AGMO: variants seen among roughly 807,000 people sequenced by gnomAD.
AGMO encodes alkylglycerol monooxygenase.
In AGMO, 75 loss-of-function variants were observed where a neutral mutation model predicts 60.2. The ratio of observed to expected loss-of-function variants is 1.25; its 90% confidence interval spans 1.03 to 1.51. The LOEUF is 1.51. Among genes scored for constraint, AGMO ranks in the 40% most tolerant of loss-of-function variants. The pLI is 0.00. For missense variants in AGMO, 763 were observed against 525.5 expected, an observed-to-expected ratio of 1.45 and a Z score of -4.42; for synonymous variants, 261 against 177.1, an observed-to-expected ratio of 1.47 and a Z score of -3.76.
At chr7:15,373,859 A>T (rs139259551) in intron 10 of AGMO, among the ~76,000 whole-genome samples, 13 of 152,316 alleles carry the variant, frequency 8.5e-5, no homozygotes, top group Non-Finnish European at 1.8e-4. Context: ...CAAGGTCTAC[A>T]AAAGTTATTA....
At chr7:15,532,318 G>A (rs915112923) in intron 3 of AGMO, among the ~76,000 whole-genome samples, 3 of 152,156 alleles carry the variant, frequency 2.0e-5, no homozygotes, top group African/African-American at 4.8e-5. Flanking sequence ...GTCAAGAAAC[G>A]GCAAAGCCCA....
intron 2 of AGMO, among the ~76,000 whole-genome samples, chr7:15,559,085 T>G (rs1192519664): frequency 6.6e-6 from 1 of 152,148 alleles, no homozygotes; most frequent in East Asian, 1.9e-4. Context: ...CTTCACACAT[T>G]ATAATGTACT....
At chr7:15,455,443 G>A (rs1178531973) in intron 3 of AGMO, among the ~76,000 whole-genome samples, 2 of 151,946 alleles carry the variant, frequency 1.3e-5, no homozygotes, top group Admixed American at 1.3e-4. Context: ...TGACTCTCAG[G>A]TTGGCTTCAT....
intron 12 of AGMO, among the ~76,000 whole-genome samples, chr7:15,329,539 C>A (rs776628052): frequency 6.6e-6 from 1 of 152,110 alleles, no homozygotes; most frequent in Non-Finnish European, 1.5e-5. Flanking sequence ...AATGACAGAA[C>A]AACAGTTCAA....
chr7:15,293,640 C>A (rs942243431), intron 12 of AGMO, among the ~76,000 whole-genome samples: 1 of 152,028 alleles, frequency 6.6e-6, no homozygotes, highest in East Asian at 1.9e-4. Flanking sequence ...TGATTAAATT[C>A]GATATTCAGG....
intron 3 of AGMO, among the ~76,000 whole-genome samples, chr7:15,441,982 T>C: frequency 6.6e-6 from 1 of 152,138 alleles, no homozygotes; most frequent in East Asian, 1.9e-4. Context: ...GTCTTAACAT[T>C]TGTCTTGGTG....
intron 3 of AGMO, among the ~76,000 whole-genome samples, chr7:15,483,921 A>T (rs560744698): frequency 5.9e-5 from 9 of 152,354 alleles, no homozygotes; most frequent in African/African-American, 2.2e-4. Flanking sequence ...ATCCATACTT[A>T]TTAAAATGCC....
At chr7:15,532,706 C>T (rs1468062526) in intron 3 of AGMO, among the ~76,000 whole-genome samples, 4 of 67,448 alleles carry the variant, frequency 5.9e-5, no homozygotes, top group Admixed American at 4.3e-4. Context: ...AAACATCTTC[C>T]TAGGCTGGGT....
chr7:15,426,242 A>G (rs145721881), intron 4 of AGMO, among the ~76,000 whole-genome samples: 12 of 152,278 alleles, frequency 7.9e-5, no homozygotes, highest in African/African-American at 2.9e-4. Context: ...CAACTATAAT[A>G]CTTTCTATTT....
chr7:15,522,985 TAAAC>T (rs1456839151), intron 3 of AGMO, among the ~76,000 whole-genome samples: 1 of 152,050 alleles, frequency 6.6e-6, no homozygotes, highest in African/African-American at 2.4e-5. Context: ...ACAAAGAACT[TAAAC>T]AAATTTACAA....
intron 12 of AGMO, among the ~76,000 whole-genome samples, chr7:15,337,691 A>T (rs931825171): frequency 6.6e-6 from 1 of 152,160 alleles, no homozygotes; most frequent in African/African-American, 2.4e-5. Flanking sequence ...AGGTTCACGA[A>T]ATGCAAAGCA....
At chr7:15,332,250 T>C (rs920500685) in intron 12 of AGMO, among the ~76,000 whole-genome samples, 1 of 152,188 alleles carries the variant, frequency 6.6e-6, no homozygotes, top group Non-Finnish European at 1.5e-5. Flanking sequence ...CACTTGACAC[T>C]GAAACCTTTC....
chr7:15,374,372 A>G (rs746118406), intron 10 of AGMO, among the ~76,000 whole-genome samples: 4 of 152,248 alleles, frequency 2.6e-5, no homozygotes, highest in African/African-American at 7.2e-5. Flanking sequence ...TATATTGGCT[A>G]AAAAAGTATA....
intron 1 of AGMO, among the ~76,000 whole-genome samples, chr7:15,560,599 A>G (rs929753586): frequency 3.3e-5 from 5 of 152,164 alleles, no homozygotes; most frequent in African/African-American, 4.8e-5. Context: ...AAGGTAGATA[A>G]TTAGAGGTCT....
chr7:15,335,843 C>G (rs1781641984), intron 12 of AGMO, among the ~76,000 whole-genome samples: 2 of 152,110 alleles, frequency 1.3e-5, no homozygotes. Flanking sequence ...GGATTTCTCA[C>G]CAAAATCTAA....
intron 6 of AGMO, among the ~76,000 whole-genome samples, chr7:15,391,479 G>A (rs1784135376): frequency 6.6e-6 from 1 of 151,920 alleles, no homozygotes; most frequent in African/African-American, 2.4e-5. Flanking sequence ...CAAATAGCTG[G>A]TCATTATTTA....
intron 6 of AGMO, among the ~76,000 whole-genome samples, chr7:15,392,791 T>C (rs879529958): frequency 7.3e-6 from 1 of 137,828 alleles, no homozygotes; most frequent in African/African-American, 2.8e-5. Context: ...AGAATGAGAC[T>C]CTGTCTCAAA....
At chr7:15,198,349 T>A (rs1781189897), downstream of AGMO, among the ~76,000 whole-genome samples, 1 of 152,138 alleles carries the variant, frequency 6.6e-6, no homozygotes, top group Admixed American at 6.5e-5. Flanking sequence ...ATAATAGCTG[T>A]ATGTTCTGTC....
chr7:15,225,557 C>T (rs1246977765), intron 12 of AGMO, among the ~76,000 whole-genome samples: 2 of 151,876 alleles, frequency 1.3e-5, no homozygotes, highest in African/African-American at 2.4e-5. Flanking sequence ...ATTACACCTA[C>T]ATCAATCTTG....
Sources: allele counts gnomAD v4.1 joint callset (sites outside exome capture counted in the v4.1 genomes callset), GRCh38; gene constraint gnomAD v4.1.1; transcripts MANE v1.5; gene names NCBI Gene and HGNC (gene_info 2026-07-23, HGNC 2026-07-21).